Variants in ENOX2 observed in about 807,000 individuals in gnomAD.
ENOX2 encodes the protein ecto-NOX disulfide-thiol exchanger 2.
A neutral mutation model predicts 45.0 loss-of-function variants in ENOX2; 36 were observed. The ratio of observed to expected loss-of-function variants is 0.80; its 90% CI spans 0.61 to 1.06. The LOEUF (loss-of-function observed/expected upper bound fraction) is 1.06. ENOX2 is among the 50% of genes least tolerant of loss of function. The pLI is 0.00. For missense variants in ENOX2, 423 were observed against 462.5 expected, an observed-to-expected ratio of 0.91 and a Z score of 0.78; for synonymous variants, 174 against 152.3, an observed-to-expected ratio of 1.14 and a Z score of -1.05.
chrX:130,886,561 T>C (rs1016360007), intron 2 of ENOX2, among the ~76,000 whole-genome samples: 3 of 112,280 alleles, frequency 2.7e-5, no homozygotes, highest in Non-Finnish European at 3.8e-5. Flanking sequence ...CTTAAGAGAA[T>C]ACTTAAGAAA....
intron 13 of ENOX2, among the ~76,000 whole-genome samples, chrX:130,630,768 T>C (rs2148007266): frequency 9.0e-6 from 1 of 111,229 alleles, no homozygotes; most frequent in African/African-American, 3.3e-5. Context: ...ACTTGGATAC[T>C]GTATATTTGA....
At chrX:130,758,072 A>G (rs1317097805) in intron 3 of ENOX2, among the ~76,000 whole-genome samples, 1 of 112,224 alleles carries the variant, frequency 8.9e-6, no homozygotes, top group Non-Finnish European at 1.9e-5. Context: ...AAGTGCTGGG[A>G]TTATAGGCAA....
chrX:130,811,603 A>G (rs767565098), intron 2 of ENOX2, among the ~76,000 whole-genome samples: 1 of 112,517 alleles, frequency 8.9e-6, no homozygotes, highest in Non-Finnish European at 1.9e-5. Context: ...ACAAAACTAG[A>G]ATAAGCCCAT....
rs1000197455 is a variant in ENOX2 at position 130,623,070 on chromosome X, C to T, written c.*2244G>A. 8.9e-6 allele frequency among the ~76,000 whole-genome samples: 1 copy of T among 111,781 alleles called. No individual in the cohort carries two copies. The highest frequency in any genetic ancestry group is 1.9e-5 in the Non-Finnish European group (1 of 53,247). ...GGTAATCTGTTTTACTCAAAGTCTA[C>T]TGGCTTAAATGTTAATCACATTTAA... On this transcript the variant is annotated 3_prime_UTR_variant, in exon 15 of 15. Transcript: ENST00000394363.
chrX:130,643,435 C>A (rs925243338), intron 10 of ENOX2, among the ~76,000 whole-genome samples: 13 of 110,183 alleles, frequency 1.2e-4, no homozygotes, highest in Non-Finnish European at 1.1e-4. Context: ...CCATAGGTTG[C>A]CTACAAGAAA....
At position 130,667,137 on chromosome X, in the gene ENOX2, G is replaced by C. The variant is rs749848500; in HGVS notation, c.907+393C>G. ...TATAATTACATTGATCATTGAAATGGAGTTTCTTGAAGGCATATTACATGA... is the reference window on the plus strand; with the variant it reads ...TATAATTACATTGATCATTGAAATGCAGTTTCTTGAAGGCATATTACATGA... On this transcript the variant is annotated intron_variant, in intron 8 of 14. Transcript: ENST00000394363. Among the ~76,000 whole-genome samples the C allele has an allele frequency of 6.3e-5, 7 of 111,997 alleles. No homozygotes were observed. The East Asian group carries it at 2.0e-3, about 31-fold the overall frequency.
chrX:130,716,643 G>A (rs1356882656), intron 3 of ENOX2, among the ~76,000 whole-genome samples: 5 of 111,897 alleles, frequency 4.5e-5, no homozygotes, highest in African/African-American at 1.6e-4. Flanking sequence ...CAGGACACCC[G>A]CTGTATCGGC....
rs1382555930 is a variant in ENOX2, at chrX:130,804,364, G to A, written c.-182-20674C>T. 4.5e-5 allele frequency among the ~76,000 whole-genome samples: 5 copies of A among 112,043 alleles called. No individual in the cohort carries two copies. The East Asian group carries it at 8.5e-4, about 19-fold the overall frequency. On this transcript the variant is annotated intron_variant, in intron 2 of 14. Coordinates refer to ENST00000394363, the MANE Select transcript of ENOX2 (RefSeq NM_006375.4). ...TAGGAAATGGGGGGCAAGAAGTGAT[G>A]TCTAAACTTTGGCACTTTGAACACT...
chrX:130,733,771 T>G (rs2038796260), intron 3 of ENOX2, among the ~76,000 whole-genome samples: 1 of 111,963 alleles, frequency 8.9e-6, no homozygotes, highest in South Asian at 3.7e-4. Flanking sequence ...ACATTAGTAG[T>G]TGGTGGAAGG....
chrX:130,755,837 A>AT (rs757100597), intron 3 of ENOX2, among the ~76,000 whole-genome samples: 214 of 110,021 alleles, frequency 1.9e-3, no homozygotes, highest in African/African-American at 6.8e-3. Context: ...CATTCTTTCT[A>AT]TTTTTTTGTA....
At position 130,855,613 on chromosome X, in the gene ENOX2, AT is replaced by A. The variant is rs766213538; in HGVS notation, c.-183+46070del. On this transcript the variant is annotated intron_variant, in intron 2 of 14. Coordinates refer to ENST00000394363, the MANE Select transcript of ENOX2 (RefSeq NM_006375.4). The stretch of plus-strand genomic sequence containing the variant: ...TAAAATGTATATGCTAGACAAGCTT[AT>A]TCTGAAATGTATGTGCCTAATCAAA... Among the ~76,000 whole-genome samples the A allele has an allele frequency of 3.8e-4, 43 of 111,777 alleles. 1 individual carries two copies. In the East Asian group the frequency reaches 0.01, roughly 27 times the overall value.
intron 10 of ENOX2, among the ~76,000 whole-genome samples, chrX:130,647,706 T>G (rs1264112481): frequency 1.8e-5 from 2 of 112,181 alleles, no homozygotes; most frequent in Admixed American, 9.4e-5. Flanking sequence ...TTTATTTTTT[T>G]TTGTTGAAAT....
At chrX:130,891,873 A>T (rs1196450163) in intron 2 of ENOX2, among the ~76,000 whole-genome samples, 22 of 112,030 alleles carry the variant, frequency 2.0e-4, no homozygotes, top group Admixed American at 1.1e-3. Flanking sequence ...ACATTTTTTT[A>T]AATTTCATTT....
At chrX:130,626,572 C>T (rs1476713711) in intron 14 of ENOX2, among the ~76,000 whole-genome samples, 1 of 112,093 alleles carries the variant, frequency 8.9e-6, no homozygotes, top group Non-Finnish European at 1.9e-5. Flanking sequence ...TTTACTGACA[C>T]ATAGTTCAAT....
intron 3 of ENOX2, among the ~76,000 whole-genome samples, chrX:130,730,469 A>G (rs1303496772): frequency 8.9e-6 from 1 of 112,342 alleles, no homozygotes; most frequent in East Asian, 2.8e-4. Context: ...ATGGTCTGGC[A>G]CATAAAGAAC....
At chrX:130,662,853 C>T (rs1434585671) in intron 9 of ENOX2, among the ~76,000 whole-genome samples, 1 of 111,977 alleles carries the variant, frequency 8.9e-6, no homozygotes, top group Non-Finnish European at 1.9e-5. Context: ...TCAAGGTGGA[C>T]CTTAATTTAA....
intron 3 of ENOX2, among the ~76,000 whole-genome samples, chrX:130,773,447 G>A (rs745850426): frequency 8.9e-5 from 10 of 112,289 alleles, no homozygotes; most frequent in Non-Finnish European, 1.5e-4. Flanking sequence ...AAAGAAGTGG[G>A]GAATGGTGTC....
intron 2 of ENOX2, among the ~76,000 whole-genome samples, chrX:130,874,699 G>GA (rs776107543): frequency 1.8e-5 from 2 of 111,355 alleles, no homozygotes; most frequent in Non-Finnish European, 3.8e-5. Context: ...GGATCCAAAA[G>GA]AAAAAACAAA....
intron 2 of ENOX2, among the ~76,000 whole-genome samples, chrX:130,857,429 T>A (rs1238645085): frequency 8.9e-6 from 1 of 112,146 alleles, no homozygotes; most frequent in Admixed American, 9.5e-5. Flanking sequence ...TCTAAAGTAG[T>A]CAAACTCACA....
Sources: allele counts gnomAD v4.1 joint callset (sites outside exome capture counted in the v4.1 genomes callset), GRCh38; gene constraint gnomAD v4.1.1; transcripts MANE v1.5; gene names NCBI Gene and HGNC (gene_info 2026-07-23, HGNC 2026-07-21).